CCDC125: variants seen among roughly 807,000 people sequenced by gnomAD.
CCDC125 encodes coiled-coil domain-containing protein 125.
CCDC125 carries 43 observed loss-of-function variants against 57.4 expected under a neutral mutation model. That is an observed-to-expected ratio of 0.75 (90% CI 0.59 to 0.97). The LOEUF (loss-of-function observed/expected upper bound fraction) is 0.97, where lower values mean the gene tolerates loss of function less well. Ranked by LOEUF, CCDC125 falls within the 50% of genes least tolerant of loss-of-function variation. The pLI, the probability that CCDC125 is intolerant of heterozygous loss-of-function variation, is 0.00. For missense variants in CCDC125, 563 were observed against 595.7 expected, an observed-to-expected ratio of 0.95 and a Z score of 0.57; for synonymous variants, 187 against 195.2, an observed-to-expected ratio of 0.96 and a Z score of 0.35.
At chr5:69,289,462 A>C (rs1754042798) in intron 10 of CCDC125, among the ~76,000 whole-genome samples, 1 of 152,172 alleles carries the variant, frequency 6.6e-6, no homozygotes. Context: ...TCCCTGGCAA[A>C]ATCACCTAAC....
chr5:69,313,463 C>T (rs1300750340), intron 3 of CCDC125: 4 of 1,202,344 alleles, frequency 3.3e-6, no homozygotes, highest in Non-Finnish European at 5.0e-6. Context: ...TAGTAGTTTG[C>T]TTGTAATTCT....
At chr5:69,295,746 A>G (rs1411575825) in intron 8 of CCDC125, among the ~76,000 whole-genome samples, 2 of 152,198 alleles carry the variant, frequency 1.3e-5, no homozygotes, top group African/African-American at 4.8e-5. Flanking sequence ...CACCTCAACT[A>G]ATATCTCTGT....
chr5:69,316,686 CT>C (rs1027471296), intron 2 of CCDC125, among the ~76,000 whole-genome samples: 5 of 151,796 alleles, frequency 3.3e-5, no homozygotes, highest in Non-Finnish European at 7.4e-5. Flanking sequence ...AATTTTTAAA[CT>C]TTTTTTTGTG....
Position 69,282,543 on chromosome 5 carries a change from A to G in CCDC125, c.*186T>C. On this transcript the variant is annotated 3_prime_UTR_variant, in exon 12 of 12. Coordinates refer to ENST00000396496, the MANE Select transcript of CCDC125 (RefSeq NM_176816.5). ...ACCACTGCACTCCAACCTGGGTGACAGAGCAAGACTCCATCTCAAAAGAAG... is the reference window on the plus strand; with the variant it reads ...ACCACTGCACTCCAACCTGGGTGACGGAGCAAGACTCCATCTCAAAAGAAG... 1.9e-6 allele frequency: 1 copy of G among 538,530 alleles called. No homozygotes were observed. Among genetic ancestry groups the G allele is most frequent in the Non-Finnish European group, 3.2e-6 (1 of 314,816 alleles). 33.4% of individuals were successfully genotyped at this position (538,530 alleles called of 1,614,324 possible).
Position 69,322,712 on chromosome 5 carries a change from G to A in CCDC125, c.-40-2132C>T, listed in dbSNP as rs375526345. Reference sequence around the variant, plus strand: ...TGAGTAGCTGGGATTACAGGCACGCGCCACCACACCCGGCTAATTTTTGTA... The same window carrying A: ...TGAGTAGCTGGGATTACAGGCACGCACCACCACACCCGGCTAATTTTTGTA... On this transcript the variant is annotated intron_variant, in intron 1 of 11. Coordinates refer to ENST00000396496, the MANE Select transcript of CCDC125 (RefSeq NM_176816.5). Among the ~76,000 whole-genome samples the A allele has an allele frequency of 2.4e-4, 37 of 151,878 alleles. No homozygotes were observed. The South Asian group carries it at 7.1e-3, about 29-fold the overall frequency.
chr5:69,331,969 A>G (rs561062586), intron 1 of CCDC125, among the ~76,000 whole-genome samples: 4 of 152,346 alleles, frequency 2.6e-5, no homozygotes, highest in African/African-American at 9.6e-5. Context: ...TCGTTTGCTT[A>G]TGCACAACAT....
At chr5:69,317,589 T>C (rs1256428720) in intron 2 of CCDC125, among the ~76,000 whole-genome samples, 1 of 152,126 alleles carries the variant, frequency 6.6e-6, no homozygotes, top group African/African-American at 2.4e-5. Flanking sequence ...GAAGAGGAAG[T>C]TTTACAACAT....
chr5:69,278,926 G>A (rs1752333081), downstream of CCDC125, among the ~76,000 whole-genome samples: 2 of 150,888 alleles, frequency 1.3e-5, no homozygotes, highest in Non-Finnish European at 3.0e-5. Context: ...GAGTGCAGTG[G>A]TGCAATCTCA....
intron 4 of CCDC125, chr5:69,309,794 G>C (rs868346424): frequency 6.6e-6 from 1 of 152,524 alleles, no homozygotes; most frequent in African/African-American, 2.4e-5. Flanking sequence ...GCCTGTGAAA[G>C]CAGCCAGGAG....
chr5:69,283,552 C>G (rs2150280718), intron 11 of CCDC125, among the ~76,000 whole-genome samples: 1 of 150,640 alleles, frequency 6.6e-6, no homozygotes, highest in South Asian at 2.1e-4. Context: ...GGGTCTGGCT[C>G]TGTTGCCCAG....
At chr5:69,277,111 ATT>A (rs1467934197), downstream of CCDC125, 2 of 1,596,306 alleles carry the variant, frequency 1.3e-6, no homozygotes, top group African/African-American at 2.7e-5. Context: ...TCCTAGGAGG[ATT>A]GCCCAAGAAA....
At chr5:69,276,467 A>G, downstream of CCDC125, 2 of 1,332,048 alleles carry the variant, frequency 1.5e-6, no homozygotes, top group South Asian at 1.2e-5. Context: ...GCTCCCTATA[A>G]TCTTGAAGGT....
intron 2 of CCDC125, among the ~76,000 whole-genome samples, chr5:69,314,457 T>G (rs1758673839): frequency 8.6e-6 from 1 of 116,452 alleles, no homozygotes; most frequent in Admixed American, 8.7e-5. Context: ...AGAGTAACTC[T>G]GTTTCAAAAA....
intron 8 of CCDC125, 90 bp from the exon 9 acceptor site, chr5:69,294,990 C>T (rs1755087852): frequency 1.0e-6 from 1 of 992,304 alleles, no homozygotes; most frequent in Non-Finnish European, 1.5e-6. Context: ...CATACCCATG[C>T]ACACTACTAC....
At chr5:69,278,082 A>G (rs746756194), downstream of CCDC125, among the ~76,000 whole-genome samples, 1 of 152,178 alleles carries the variant, frequency 6.6e-6, no homozygotes, top group South Asian at 2.1e-4. Flanking sequence ...GGATTTCACC[A>G]TGTTGGCCAG....
intron 1 of CCDC125, among the ~76,000 whole-genome samples, chr5:69,324,401 T>A (rs2150643943): frequency 6.6e-6 from 1 of 152,286 alleles, no homozygotes; most frequent in South Asian, 2.1e-4. Flanking sequence ...TAAAACATGG[T>A]ACAACCACTG....
chr5:69,283,220 C>CTT (rs1219833408), intron 11 of CCDC125, among the ~76,000 whole-genome samples, 186 bp from the exon 12 acceptor site: 2,169 of 136,594 alleles, frequency 0.016, 34 homozygotes, highest in Non-Finnish European at 0.023. Context: ...ATTCATGAAT[C>CTT]TTTTTTTTTT....
Position 69,282,926 on chromosome 5 carries a change from G to T in CCDC125, c.1339C>A (p.Pro447Thr), listed in dbSNP as rs1752648044. 6.2e-7 allele frequency: 1 copy of T among 1,613,854 alleles called. No homozygotes were observed. Among genetic ancestry groups the T allele is most frequent in the Non-Finnish European group, 8.5e-7 (1 of 1,179,986 alleles). The change falls in exon 12 of 12, where the codon CCT becomes ACT. Residue 447 changes from proline to threonine, a missense_variant. By Grantham distance (38) the Pro-to-Thr change is conservative. Coordinates refer to ENST00000396496, the MANE Select transcript of CCDC125 (RefSeq NM_176816.5). The stretch of plus-strand genomic sequence containing the variant: ...TTGAAAGGGAAATTCTCTTTTATAG[G>T]ATTTTTTTCTTTATTCTCGTTTGAA... ...TASNENKEKN[P>T]IKENFPFNNP...
At chr5:69,283,975 T>G (rs1439249384) in intron 11 of CCDC125, among the ~76,000 whole-genome samples, 1 of 150,520 alleles carries the variant, frequency 6.6e-6, no homozygotes, top group African/African-American at 2.5e-5. Context: ...GTATTTTTAG[T>G]AGAGACAGTT....
Sources: allele counts gnomAD v4.1 joint callset (sites outside exome capture counted in the v4.1 genomes callset), GRCh38; gene constraint gnomAD v4.1.1; transcripts MANE v1.5; gene names NCBI Gene and HGNC (gene_info 2026-07-23, HGNC 2026-07-21).